RIMS3: variants seen among roughly 807,000 people sequenced by gnomAD.
The protein encoded by RIMS3 is regulating synaptic membrane exocytosis protein 3.
Under a neutral mutation model 29.2 loss-of-function variants are expected in RIMS3, and 15 were observed. That is an observed-to-expected ratio of 0.51 (90% confidence interval 0.34 to 0.79). The LOEUF (loss-of-function observed/expected upper bound fraction) is 0.79. RIMS3 is among the 30% of genes least tolerant of loss of function. The pLI, the probability that RIMS3 is intolerant of heterozygous loss-of-function variation, is 0.01. For synonymous variants in RIMS3, 161 were observed against 170.1 expected, an observed-to-expected ratio of 0.95 and a Z score of 0.41; for missense variants, 342 against 421.4, an observed-to-expected ratio of 0.81 and a Z score of 1.65.
the RIMS3 span, chr1:40,690,922 GT>G: frequency 6.6e-6 from 1 of 152,184 alleles, no homozygotes; most frequent in South Asian, 2.1e-4. Flanking sequence ...ATACCTACAG[GT>G]TTTGAAGTTA....
the RIMS3 span, among the ~76,000 whole-genome samples, chr1:40,675,255 T>TA: frequency 6.7e-6 from 1 of 148,670 alleles, no homozygotes. Flanking sequence ...GCCTGGGTGA[T>TA]AGAGTGAGAC....
At chr1:40,691,924 GA>G in the RIMS3 span, 1 of 340,448 alleles carries the variant, frequency 2.9e-6, no homozygotes, top group Non-Finnish European at 5.8e-6. Flanking sequence ...GCGGCGGGGG[GA>G]GGGGCAGCGC....
intron 2 of RIMS3, among the ~76,000 whole-genome samples, chr1:40,642,698 G>A (rs539259097): frequency 6.6e-5 from 10 of 152,162 alleles, no homozygotes; most frequent in Admixed American, 2.0e-4. Context: ...GCTCATGCCT[G>A]TAATCCTAGC....
the RIMS3 span, among the ~76,000 whole-genome samples, chr1:40,680,171 A>AAAAC: frequency 1.3e-5 from 2 of 152,012 alleles, no homozygotes; most frequent in Admixed American, 6.6e-5. Context: ...AACCAACAAC[A>AAAAC]AAAACAAAAA....
In RIMS3 at chr1:40,647,818, A is replaced by AG. The variant is rs3830765; in HGVS notation, c.-183dup. The AG allele has an allele frequency of 0.37, 55,943 of 152,130 alleles. 11,557 individuals carry two copies. Among genetic ancestry groups the AG allele is most frequent in the African/African-American group, 0.57 (23,550 of 41,474 alleles). The allele number at this position is 152,130 out of a possible 1,614,324, so 9.4% of individuals were successfully genotyped here. ...GTGAAGGCAATCAGGGCAGGCTCCC[A>AG]GAGGAGGCGATGTGATAAAAGGGTC... is the stretch of plus-strand genomic sequence containing the variant. On this transcript the variant is annotated 5_prime_UTR_variant, in exon 2 of 8. Transcript: ENST00000372684.
chr1:40,649,338 C>T (rs1251211421), intron 1 of RIMS3, among the ~76,000 whole-genome samples: 1 of 152,226 alleles, frequency 6.6e-6, no homozygotes, highest in African/African-American at 2.4e-5. Context: ...GATACTCATA[C>T]ACACAGAGAC....
chr1:40,666,205 C>A (rs1021329985), upstream of RIMS3, among the ~76,000 whole-genome samples: 1 of 152,182 alleles, frequency 6.6e-6, no homozygotes, highest in Non-Finnish European at 1.5e-5. Context: ...GAGTGGCCGG[C>A]CCTGAAGCCC....
chr1:40,691,824 G>A, the RIMS3 span: 48 of 438,266 alleles, frequency 1.1e-4, no homozygotes, highest in African/African-American at 9.2e-4. Flanking sequence ...GACTCCGTAG[G>A]AGCGCGGGGG....
upstream of RIMS3, among the ~76,000 whole-genome samples, chr1:40,667,521 G>C (rs953351427): frequency 1.3e-5 from 2 of 152,178 alleles, no homozygotes; most frequent in African/African-American, 4.8e-5. Flanking sequence ...TATCTCTCTG[G>C]AGATGTGCAA....
chr1:40,633,951 T>C (rs1646504934), intron 4 of RIMS3, among the ~76,000 whole-genome samples: 1 of 152,118 alleles, frequency 6.6e-6, no homozygotes, highest in Non-Finnish European at 1.5e-5. Context: ...TTAGGGCAAA[T>C]GAAAAGTTCC....
the RIMS3 span, among the ~76,000 whole-genome samples, chr1:40,682,018 G>A: frequency 6.6e-6 from 1 of 152,080 alleles, no homozygotes; most frequent in Admixed American, 6.6e-5. Context: ...ATTTTTAGTT[G>A]AGATGGAGTT....
rs2148346008 is a variant in RIMS3, at chr1:40,633,129, G to A, written c.412C>T (p.Leu138=). 6.2e-7 allele frequency: 1 copy of A among 1,614,170 alleles called. No individual in the cohort carries two copies. Among genetic ancestry groups the A allele is most frequent in the Non-Finnish European group, 8.5e-7 (1 of 1,180,002 alleles). Residue 138 remains leucine, a synonymous_variant, in exon 5 of 8, where the codon CTG becomes TTG. Coordinates refer to ENST00000372684, the MANE Select transcript of RIMS3 (RefSeq NM_014747.3). ...LGAESQFSDF[L]DGLGPAQIVG... ...ATCTGAGCTGGTCCCAGCCCATCCAGGAAATCGCTGAACTGGCTTTCAGCC... is the reference window on the plus strand; with the variant it reads ...ATCTGAGCTGGTCCCAGCCCATCCAAGAAATCGCTGAACTGGCTTTCAGCC...
chr1:40,679,192 A>G, the RIMS3 span, among the ~76,000 whole-genome samples: 2 of 152,012 alleles, frequency 1.3e-5, no homozygotes, highest in Non-Finnish European at 2.9e-5. Context: ...CACTACCACC[A>G]CTGCTGGAAA....
At chr1:40,627,129 G>T (rs1646459528) in intron 7 of RIMS3, among the ~76,000 whole-genome samples, 2 of 152,148 alleles carry the variant, frequency 1.3e-5, no homozygotes, top group African/African-American at 4.8e-5. Flanking sequence ...GGGGCAAACT[G>T]AGAGTTCAGG....
chr1:40,658,603 C>G (rs1268113139), intron 1 of RIMS3, among the ~76,000 whole-genome samples: 2 of 152,224 alleles, frequency 1.3e-5, no homozygotes, highest in Admixed American at 1.3e-4. Context: ...CAGATCCTCT[C>G]CTGGGAGTTT....
At chr1:40,628,729 G>T (rs537785307) in intron 7 of RIMS3, 81 bp downstream of exon 7, 4 of 1,579,368 alleles carry the variant, frequency 2.5e-6, no homozygotes, top group East Asian at 2.2e-5. Flanking sequence ...CCTGGCACAG[G>T]ATGAATCATA....
rs1642414562 is a variant in RIMS3 at position 40,665,639 on chromosome 1, G to C, written c.-452C>G. 1 of 152,222 alleles carries C rather than the reference G, an allele frequency of 6.6e-6. No individual in the cohort carries two copies. Among genetic ancestry groups the C allele is most frequent in the African/African-American group, 2.4e-5 (1 of 41,456 alleles). 9.4% of individuals were successfully genotyped at this position (152,222 alleles called of 1,614,324 possible). A position where few individuals can be genotyped will look rare whatever the true frequency, so the allele number is the denominator to read the frequency against. ...TCCGCTCCGCCCGCCTGCGCTGCCGGCTCCGCAGCAGCCACCGTTTTCAGT... is the reference window on the plus strand; with the variant it reads ...TCCGCTCCGCCCGCCTGCGCTGCCGCCTCCGCAGCAGCCACCGTTTTCAGT... On this transcript the variant is annotated 5_prime_UTR_variant, in exon 1 of 8. Transcript: ENST00000372684.
At chr1:40,672,501 A>G in the RIMS3 span, among the ~76,000 whole-genome samples, 1 of 152,162 alleles carries the variant, frequency 6.6e-6, no homozygotes, top group African/African-American at 2.4e-5. Context: ...CCTGGCCGCT[A>G]GATGATTTTT....
intron 2 of RIMS3, among the ~76,000 whole-genome samples, chr1:40,647,131 G>A (rs1487879690): frequency 1.3e-5 from 2 of 152,032 alleles, no homozygotes; most frequent in African/African-American, 4.8e-5. Context: ...TGCCCACCTC[G>A]GCCTCCCAAA....
Sources: allele counts gnomAD v4.1 joint callset (sites outside exome capture counted in the v4.1 genomes callset), GRCh38; gene constraint gnomAD v4.1.1; transcripts MANE v1.5; gene names NCBI Gene and HGNC (gene_info 2026-07-23, HGNC 2026-07-21).